The following CFAP47 variants were observed in gnomAD, a reference collection of about 807,000 sequenced individuals.
The protein encoded by CFAP47 is cilia- and flagella-associated protein 47.
Under a neutral mutation model 148.1 loss-of-function variants are expected in CFAP47, and 29 were observed. The observed-to-expected ratio is 0.20, with a 90% CI of 0.15 to 0.27. The LOEUF (loss-of-function observed/expected upper bound fraction) is 0.27, where lower values mean the gene tolerates loss of function less well. Ranked by LOEUF, CFAP47 falls within the 10% of genes least tolerant of loss-of-function variation. The probability of loss-of-function intolerance (pLI) is 1.00; values close to 1 mark genes in which losing one functional copy is unlikely to be tolerated. For missense variants in CFAP47, 1,872 were observed against 1,697.5 expected (o/e 1.10, Z -1.81); for synonymous variants, 664 against 577.3 (o/e 1.15, Z -2.15).
chrX:36,347,065 C>A (rs1010931164), intron 57 of CFAP47, among the ~76,000 whole-genome samples: 1 of 111,948 alleles, frequency 8.9e-6, no homozygotes, highest in Non-Finnish European at 1.9e-5. Context: ...TATCCAGAAT[C>A]TACAAAGAAC....
At chrX:35,953,976 G>C (rs911917961) in intron 7 of CFAP47, among the ~76,000 whole-genome samples, 1 of 110,678 alleles carries the variant, frequency 9.0e-6, no homozygotes, top group African/African-American at 3.3e-5. Context: ...TGATGATCTA[G>C]GGTTTAAGGA....
intron 45 of CFAP47, among the ~76,000 whole-genome samples, chrX:36,226,421 G>A (rs1270453272): frequency 1.8e-5 from 2 of 111,051 alleles, no homozygotes; most frequent in Admixed American, 1.9e-4. Context: ...TGATGGGGAC[G>A]CAAATACTGT....
chrX:36,339,687 G>A (rs915570027), intron 57 of CFAP47, among the ~76,000 whole-genome samples: 56 of 111,650 alleles, frequency 5.0e-4, no homozygotes, highest in African/African-American at 1.8e-3. Context: ...AACAGTCTCT[G>A]ATAATGGATT....
At chrX:35,963,458 C>A (rs1053847537) in intron 8 of CFAP47, among the ~76,000 whole-genome samples, 1 of 110,327 alleles carries the variant, frequency 9.1e-6, no homozygotes, top group African/African-American at 3.3e-5. Context: ...TAAAGAAAAT[C>A]CATTTACTTT....
At chrX:36,138,588 C>T (rs895136230) in intron 35 of CFAP47, 124 bp downstream of exon 35, 51 of 733,385 alleles carry the variant, frequency 7.0e-5, no homozygotes, top group Non-Finnish European at 8.9e-5. Context: ...TTTGATGAGA[C>T]ATTGCTAAAA....
chrX:35,950,313 T>G (rs905721399), intron 4 of CFAP47, among the ~76,000 whole-genome samples: 3 of 111,631 alleles, frequency 2.7e-5, no homozygotes, highest in Admixed American at 9.6e-5. Context: ...TGAAATTCAT[T>G]TGAGAAGTGA....
chrX:36,234,571 T>C (rs1453761996), intron 46 of CFAP47, among the ~76,000 whole-genome samples: 1 of 112,073 alleles, frequency 8.9e-6, no homozygotes, highest in Non-Finnish European at 1.9e-5. Flanking sequence ...TTTCCTCCTG[T>C]AGCTCGGAAT....
chrX:36,030,218 T>A (rs1937265142), intron 22 of CFAP47, among the ~76,000 whole-genome samples: 1 of 111,208 alleles, frequency 9.0e-6, no homozygotes, highest in Non-Finnish European at 1.9e-5. Context: ...ATCTTTAATC[T>A]TAGGTGGTTT....
At chrX:36,153,191 T>C (rs1014862406) in intron 37 of CFAP47, among the ~76,000 whole-genome samples, 2 of 111,970 alleles carry the variant, frequency 1.8e-5, no homozygotes, top group African/African-American at 6.5e-5. Flanking sequence ...AATACAATGA[T>C]GGAATAGGCG....
At chrX:36,043,840 A>T (rs939111837) in intron 25 of CFAP47, among the ~76,000 whole-genome samples, 1 of 112,336 alleles carries the variant, frequency 8.9e-6, no homozygotes, top group African/African-American at 3.2e-5. Context: ...GGCACATACA[A>T]CCCTACATTT....
chrX:36,187,983 T>C (rs1289026176), intron 40 of CFAP47, among the ~76,000 whole-genome samples: 1 of 111,885 alleles, frequency 8.9e-6, no homozygotes, highest in Non-Finnish European at 1.9e-5. Flanking sequence ...ACCAAAATAG[T>C]AATTGACAGC....
intron 49 of CFAP47, among the ~76,000 whole-genome samples, chrX:36,263,087 G>A (rs1471661442): frequency 1.3e-4 from 14 of 111,749 alleles, no homozygotes; most frequent in African/African-American, 3.9e-4. Context: ...AGTTGTTTGA[G>A]CTCCTTATAT....
chrX:36,218,796 A>T (rs1940185044), intron 45 of CFAP47, among the ~76,000 whole-genome samples: 1 of 112,028 alleles, frequency 8.9e-6, no homozygotes. Context: ...TAATGTATAC[A>T]TTGGTTTGGC....
chrX:36,042,546 AATTAAAAGATAATAG>A (rs1307411981), intron 25 of CFAP47, among the ~76,000 whole-genome samples: 1 of 110,639 alleles, frequency 9.0e-6, no homozygotes, highest in Non-Finnish European at 1.9e-5. Context: ...TAACATCAAA[AATTAAAAGATAATAG>A]ATTAAAAGAT....
intron 3 of CFAP47, among the ~76,000 whole-genome samples, chrX:35,944,324 C>T (rs968975468): frequency 9.0e-6 from 1 of 111,113 alleles, no homozygotes; most frequent in African/African-American, 3.3e-5. Flanking sequence ...ATATATTCTT[C>T]ATGCATAACA....
rs189998256 is a variant in CFAP47 at position 36,186,856 on chromosome X, G to A, written c.6105-1764G>A. 6.5e-5 allele frequency among the ~76,000 whole-genome samples: 7 copies of A among 106,873 alleles called. No individual in the cohort carries two copies. In the East Asian group the frequency reaches 2.0e-3, roughly 30 times the overall value. 92.8% of individuals were successfully genotyped at this position (106,873 alleles called of 115,157 possible). A position where few individuals can be genotyped will look rare whatever the true frequency, so the allele number is the denominator to read the frequency against. ...GAAATATTTCACTGGTTGTTCTACA[G>A]TATTTTTTTTTTTTATAATTTTAGC... On this transcript the variant is annotated intron_variant, in intron 40 of 63. Transcript: ENST00000378653.
chrX:36,228,969 C>A, intron 46 of CFAP47, 145 bp downstream of exon 46: 1 of 428,712 alleles, frequency 2.3e-6, no homozygotes, highest in Admixed American at 4.3e-5. Context: ...ATGTCAGAAT[C>A]TCTTCCTAAA....
intron 62 of CFAP47, among the ~76,000 whole-genome samples, chrX:36,374,339 A>G (rs1472389778): frequency 4.5e-5 from 5 of 111,143 alleles, no homozygotes; most frequent in Non-Finnish European, 9.4e-5. Flanking sequence ...ATAATTGTTC[A>G]TAATAGTCAT....
intron 25 of CFAP47, among the ~76,000 whole-genome samples, chrX:36,040,843 G>A (rs1394879200): frequency 4.5e-5 from 5 of 111,448 alleles, no homozygotes; most frequent in Admixed American, 9.6e-5. Context: ...AAAACTAAAC[G>A]TAAAACAGCT....
Sources: gnomAD v4.1 joint callset for allele counts (sites outside exome capture counted in the v4.1 genomes callset) on GRCh38, gnomAD v4.1.1 for gene constraint, MANE v1.5 for transcripts, NCBI Gene and HGNC (gene_info 2026-07-23, HGNC 2026-07-21) for gene names.